Variants in FOXO3 observed in about 807,000 individuals in gnomAD.
FOXO3 encodes forkhead box O3.
A neutral mutation model predicts 41.9 loss-of-function variants in FOXO3; 4 were observed. The ratio of observed to expected loss-of-function variants is 0.10; its 90% CI spans 0.05 to 0.22. FOXO3 has a LOEUF of 0.22. Among genes scored for constraint, FOXO3 ranks in the 10% least tolerant of loss-of-function variants. FOXO3 has a pLI of 1.00. For synonymous variants in FOXO3, 318 were observed against 389.3 expected (o/e 0.82, Z 2.16); for missense variants, 534 against 906.8 (o/e 0.59, Z 5.28).
intron 1 of FOXO3, among the ~76,000 whole-genome samples, chr6:108,564,706 G>A (rs1775907935): frequency 6.6e-6 from 1 of 152,096 alleles, no homozygotes; most frequent in African/African-American, 2.4e-5. Flanking sequence ...TGAATTACCT[G>A]GGAACTTCTG....
intron 1 of FOXO3, among the ~76,000 whole-genome samples, chr6:108,574,633 C>A (rs1776211631): frequency 6.6e-6 from 1 of 152,092 alleles, no homozygotes; most frequent in Non-Finnish European, 1.5e-5. Context: ...AAGATAGAGA[C>A]AGAAAATGTT....
At chr6:108,656,581 A>T (rs1778695430) in intron 1 of FOXO3, 3 of 909,664 alleles carry the variant, frequency 3.3e-6, no homozygotes, top group Non-Finnish European at 3.9e-6. Flanking sequence ...TGTGGGATCT[A>T]ACAGTTGTTG....
At chr6:108,649,547 G>A in intron 1 of FOXO3, among the ~76,000 whole-genome samples, 1 of 101,606 alleles carries the variant, frequency 9.8e-6, no homozygotes, top group Admixed American at 1.3e-4. Flanking sequence ...TTTTTGAGAT[G>A]GGGGTCTCAC....
intron 1 of FOXO3, among the ~76,000 whole-genome samples, chr6:108,626,942 G>A (rs977738967): frequency 2.6e-5 from 4 of 152,178 alleles, no homozygotes; most frequent in African/African-American, 7.2e-5. Context: ...TTATCCTGTA[G>A]GGCAGGAGTG....
chr6:108,638,533 T>A (rs1778175126), intron 1 of FOXO3, among the ~76,000 whole-genome samples: 1 of 152,156 alleles, frequency 6.6e-6, no homozygotes, highest in Non-Finnish European at 1.5e-5. Context: ...AGCTAGTGGA[T>A]AAGCTGAAGG....
chr6:108,603,352 TATTC>T (rs966385975), intron 1 of FOXO3, among the ~76,000 whole-genome samples: 3 of 152,212 alleles, frequency 2.0e-5, no homozygotes, highest in Non-Finnish European at 2.9e-5. Context: ...TATAATCAAT[TATTC>T]ATTCAGTCAT....
chr6:108,654,359 C>T (rs12203834), intron 1 of FOXO3, among the ~76,000 whole-genome samples: 22,098 of 151,956 alleles, frequency 0.15, 1,761 homozygotes, highest in African/African-American at 0.22. Context: ...CCAACAGAAC[C>T]GTGTGTGGAG....
chr6:108,576,643 C>CA (rs1010445133), intron 1 of FOXO3, among the ~76,000 whole-genome samples: 31 of 150,726 alleles, frequency 2.1e-4, no homozygotes, highest in Admixed American at 1.5e-3. Context: ...TCTCATCAGC[C>CA]AAAAAAAAAT....
chr6:108,603,329 C>A (rs1245720207), intron 1 of FOXO3, among the ~76,000 whole-genome samples: 2 of 152,152 alleles, frequency 1.3e-5, no homozygotes, highest in African/African-American at 4.8e-5. Flanking sequence ...TGGCATTTCT[C>A]TTTTTAAAAG....
At chr6:108,672,748 T>G (rs761367076) in intron 2 of FOXO3, among the ~76,000 whole-genome samples, 13 of 152,166 alleles carry the variant, frequency 8.5e-5, no homozygotes, top group Non-Finnish European at 1.6e-4. Flanking sequence ...TCTCTTCCTC[T>G]CTCATCCTCT....
chr6:108,604,468 T>C (rs1777137661), intron 1 of FOXO3, among the ~76,000 whole-genome samples: 1 of 152,230 alleles, frequency 6.6e-6, no homozygotes, highest in Non-Finnish European at 1.5e-5. Context: ...GCGACGTGCC[T>C]TTGCCTGAAA....
At chr6:108,572,875 G>T (rs1268383811) in intron 1 of FOXO3, among the ~76,000 whole-genome samples, 1 of 152,134 alleles carries the variant, frequency 6.6e-6, no homozygotes, top group Non-Finnish European at 1.5e-5. Context: ...TCAGGAAGGT[G>T]AAAGTAACTT....
At chr6:108,633,329 G>T (rs1186573814) in intron 1 of FOXO3, among the ~76,000 whole-genome samples, 1 of 152,022 alleles carries the variant, frequency 6.6e-6, no homozygotes, top group African/African-American at 2.4e-5. Flanking sequence ...GAAAGTGTGT[G>T]TGTGTATGTG....
intron 1 of FOXO3, among the ~76,000 whole-genome samples, chr6:108,622,523 GTT>G (rs1172396552): frequency 6.6e-6 from 1 of 152,074 alleles, no homozygotes; most frequent in Non-Finnish European, 1.5e-5. Flanking sequence ...TGTTTTTGGT[GTT>G]TTTTTGTTTT....
At chr6:108,619,759 G>C (rs933130798) in intron 1 of FOXO3, among the ~76,000 whole-genome samples, 3 of 152,190 alleles carry the variant, frequency 2.0e-5, no homozygotes, top group Admixed American at 6.5e-5. Flanking sequence ...TAATACCCCT[G>C]ATTAAGAATA....
At chr6:108,560,885 C>T, upstream of FOXO3, 9 of 1,040,158 alleles carry the variant, frequency 8.7e-6, no homozygotes, top group Non-Finnish European at 1.1e-5. Flanking sequence ...CGTCGATTCG[C>T]TCGCGGCTCC....
chr6:108,666,024 T>TGTG (rs147856773), intron 2 of FOXO3, among the ~76,000 whole-genome samples: 20,308 of 151,784 alleles, frequency 0.13, 1,491 homozygotes, highest in African/African-American at 0.2. Flanking sequence ...GGCAGTGTGA[T>TGTG]GTAAGAAAAA....
At chr6:108,672,587 G>A (rs751103228) in intron 2 of FOXO3, among the ~76,000 whole-genome samples, 22 of 152,100 alleles carry the variant, frequency 1.4e-4, no homozygotes, top group South Asian at 4.1e-4. Flanking sequence ...CATGGCATTC[G>A]TTTATTAAAG....
At chr6:108,659,263 C>G (rs558998218) in intron 1 of FOXO3, among the ~76,000 whole-genome samples, 97 of 152,222 alleles carry the variant, frequency 6.4e-4, no homozygotes, top group Non-Finnish European at 1.2e-3. Flanking sequence ...ATTTCATAAA[C>G]AAATTAAAAT....
Sources: allele counts gnomAD v4.1 joint callset (sites outside exome capture counted in the v4.1 genomes callset), GRCh38; gene constraint gnomAD v4.1.1; transcripts MANE v1.5; gene names NCBI Gene and HGNC (gene_info 2026-07-23, HGNC 2026-07-21).